Variants in FILIP1 observed in about 807,000 individuals in gnomAD.
FILIP1 encodes filamin A interacting protein 1, also known as filamin-A-interacting protein 1.
Under a neutral mutation model 102.1 loss-of-function variants are expected in FILIP1, and 61 were observed. The observed-to-expected ratio is 0.60, with a 90% CI of 0.49 to 0.74. The LOEUF (loss-of-function observed/expected upper bound fraction) is 0.74, where lower values mean the gene tolerates loss of function less well. Among genes scored for constraint, FILIP1 ranks in the 30% least tolerant of loss-of-function variants. FILIP1 has a pLI of 0.00. For missense variants in FILIP1, 1,314 were observed against 1,441.2 expected (o/e 0.91, Z 1.43); for synonymous variants, 491 against 526.9 (o/e 0.93, Z 0.93).
intron 1 of FILIP1, among the ~76,000 whole-genome samples, chr6:75,451,398 A>T (rs1778627288): frequency 6.6e-6 from 1 of 151,756 alleles, no homozygotes; most frequent in South Asian, 2.1e-4. Context: ...GGCAAAAGGT[A>T]TCAACAGGTG....
At chr6:75,420,595 T>C (rs1777428497) in intron 1 of FILIP1, among the ~76,000 whole-genome samples, 1 of 152,168 alleles carries the variant, frequency 6.6e-6, no homozygotes, top group Admixed American at 6.6e-5. Context: ...CTCCCATACA[T>C]TTATCATGTT....
At chr6:75,405,878 G>T (rs924787616) in intron 2 of FILIP1, among the ~76,000 whole-genome samples, 2 of 152,168 alleles carry the variant, frequency 1.3e-5, no homozygotes, top group African/African-American at 2.4e-5. Flanking sequence ...AATCGAAAAA[G>T]CTTGCTTTAC....
At chr6:75,467,804 G>GA (rs1440863469) in intron 1 of FILIP1, among the ~76,000 whole-genome samples, 2 of 152,140 alleles carry the variant, frequency 1.3e-5, no homozygotes, top group Non-Finnish European at 2.9e-5. Flanking sequence ...CTCAAAACAA[G>GA]AATAGGAGAG....
chr6:75,425,581 C>T (rs1027425848), intron 1 of FILIP1, among the ~76,000 whole-genome samples: 1 of 152,242 alleles, frequency 6.6e-6, no homozygotes, highest in East Asian at 1.9e-4. Context: ...GCATTTGTTT[C>T]CTTAACATGC....
At chr6:75,321,928 C>T (rs1773678342) in intron 4 of FILIP1, among the ~76,000 whole-genome samples, 1 of 151,984 alleles carries the variant, frequency 6.6e-6, no homozygotes, top group African/African-American at 2.4e-5. Flanking sequence ...TTAGAAGGAC[C>T]TATGGAAGGC....
exon 7 of FILIP1, chr6:75,292,735 T>C (rs1268665466): frequency 1.3e-5 from 2 of 152,156 alleles, no homozygotes; most frequent in African/African-American, 4.8e-5. Context: ...ACTTTTGCTA[T>C]TTTTAGACTT....
At chr6:75,491,555 T>C (rs1227894380) in intron 1 of FILIP1, among the ~76,000 whole-genome samples, 6 of 152,062 alleles carry the variant, frequency 3.9e-5, no homozygotes, top group African/African-American at 1.4e-4. Flanking sequence ...TAATCCAAAC[T>C]AGGGTGAAGA....
chr6:75,438,445 A>T (rs1778095879), intron 1 of FILIP1, among the ~76,000 whole-genome samples: 1 of 152,234 alleles, frequency 6.6e-6, no homozygotes, highest in Admixed American at 6.5e-5. Context: ...TAAAAATGGA[A>T]ACAGAAATTA....
intron 1 of FILIP1, among the ~76,000 whole-genome samples, chr6:75,461,268 C>A (rs1331819150): frequency 1.3e-5 from 2 of 152,164 alleles, no homozygotes; most frequent in Non-Finnish European, 2.9e-5. Flanking sequence ...AACAAGGAAT[C>A]CAAGGCAGAG....
intron 1 of FILIP1, chr6:75,473,624 A>G (rs1779392797): frequency 6.6e-6 from 1 of 152,224 alleles, no homozygotes; most frequent in Non-Finnish European, 1.5e-5. Context: ...ATGGGAAAGC[A>G]AAATGTCCAT....
At chr6:75,381,622 G>C (rs193165278) in intron 2 of FILIP1, among the ~76,000 whole-genome samples, 1 of 152,248 alleles carries the variant, frequency 6.6e-6, no homozygotes. Context: ...CTGAAATTTT[G>C]AAACAATGAT....
chr6:75,480,478 C>T (rs1195782015), intron 1 of FILIP1, among the ~76,000 whole-genome samples: 2 of 151,778 alleles, frequency 1.3e-5, no homozygotes, highest in Admixed American at 6.6e-5. Context: ...TGGGCTCAAT[C>T]GACACTCTCC....
At chr6:75,441,576 T>A (rs1239573983) in intron 1 of FILIP1, among the ~76,000 whole-genome samples, 4 of 143,672 alleles carry the variant, frequency 2.8e-5, no homozygotes, top group African/African-American at 2.7e-5. Context: ...GGCGCCCCTC[T>A]CCTCCCGGAC....
At chr6:75,401,404 T>C (rs1776653135) in intron 2 of FILIP1, among the ~76,000 whole-genome samples, 1 of 152,166 alleles carries the variant, frequency 6.6e-6, no homozygotes, top group African/African-American at 2.4e-5. Flanking sequence ...TCTAAGAGAA[T>C]CTCCTTGGTG....
At chr6:75,489,527 G>A (rs907442321) in intron 1 of FILIP1, among the ~76,000 whole-genome samples, 2 of 151,864 alleles carry the variant, frequency 1.3e-5, no homozygotes, top group African/African-American at 4.8e-5. Flanking sequence ...ATTTATTGAA[G>A]AATAAATTAT....
intron 3 of FILIP1, among the ~76,000 whole-genome samples, chr6:75,360,174 T>C (rs1775129206): frequency 6.6e-6 from 1 of 152,182 alleles, no homozygotes; most frequent in African/African-American, 2.4e-5. Context: ...TCTACCTTCC[T>C]TCCCTCAGAC....
At chr6:75,390,741 G>T (rs1021768614) in intron 2 of FILIP1, among the ~76,000 whole-genome samples, 1 of 152,130 alleles carries the variant, frequency 6.6e-6, no homozygotes, top group African/African-American at 2.4e-5. Flanking sequence ...GATTTGGGCA[G>T]GCACACACAT....
intron 1 of FILIP1, among the ~76,000 whole-genome samples, chr6:75,488,314 C>T (rs1040757552): frequency 1.3e-5 from 2 of 152,070 alleles, no homozygotes; most frequent in African/African-American, 4.8e-5. Flanking sequence ...TTTCCTTATT[C>T]TAAATTCTTC....
intron 1 of FILIP1, among the ~76,000 whole-genome samples, chr6:75,484,479 TA>T (rs869099687): frequency 7.0e-6 from 1 of 143,572 alleles, no homozygotes; most frequent in African/African-American, 2.6e-5. Context: ...GTACTGTCTT[TA>T]AAATGATTGC....
Sources: allele counts gnomAD v4.1 joint callset (sites outside exome capture counted in the v4.1 genomes callset), GRCh38; gene constraint gnomAD v4.1.1; transcripts MANE v1.5; gene names NCBI Gene and HGNC (gene_info 2026-07-23, HGNC 2026-07-21).